The following ADGRE1 variants were observed in gnomAD, a reference collection of about 807,000 sequenced individuals.
ADGRE1 encodes the protein EGF-like module receptor 1.
In ADGRE1, 82 loss-of-function variants were observed where a neutral mutation model predicts 102.7. That is an observed-to-expected ratio of 0.80 (90% CI 0.67 to 0.96). The LOEUF (loss-of-function observed/expected upper bound fraction) is 0.96. Ranked by LOEUF, ADGRE1 falls within the 40% of genes least tolerant of loss-of-function variation. The pLI, the probability that ADGRE1 is intolerant of heterozygous loss-of-function variation, is 0.00. For missense variants in ADGRE1, 1,032 were observed against 1,085.3 expected (o/e 0.95, Z 0.69); for synonymous variants, 398 against 399.6 (o/e 1.00, Z 0.05).
Position 6,906,298 on chromosome 19 carries a change from T to C in ADGRE1, c.950-135T>C, listed in dbSNP as rs1362188568. On this transcript the variant is annotated intron_variant, in intron 8 of 20. Coordinates refer to ENST00000312053, the MANE Select transcript of ADGRE1 (RefSeq NM_001974.5). ...GTTGTAGTGTGTAGTTGTGGTTTGTTCATTTTCCCCCTTGTGTATTAGGGT... is the reference window on the plus strand; with the variant it reads ...GTTGTAGTGTGTAGTTGTGGTTTGTCCATTTTCCCCCTTGTGTATTAGGGT... 1.2e-4 allele frequency: 84 copies of C among 688,772 alleles called. 2 individuals carry two copies. In the South Asian group the frequency reaches 1.6e-3, roughly 13 times the overall value. The allele number at this position is 688,772 out of a possible 1,614,324, so 42.7% of individuals were successfully genotyped here.
chr19:6,915,113 C>T (rs192972270), intron 11 of ADGRE1, among the ~76,000 whole-genome samples: 95 of 152,226 alleles, frequency 6.2e-4, no homozygotes, highest in African/African-American at 2.1e-3. Context: ...TCAAGTGATC[C>T]TCCTGCCTCA....
At chr19:6,926,259 T>G (rs2144999631) in intron 15 of ADGRE1, 107 bp from the exon 16 acceptor site, 168 of 1,166,016 alleles carry the variant, frequency 1.4e-4, no homozygotes, top group Non-Finnish European at 1.8e-4. Context: ...GATGAATGAG[T>G]GAGCTAGGTT....
intron 17 of ADGRE1, among the ~76,000 whole-genome samples, chr19:6,930,222 A>G (rs929587897): frequency 6.6e-6 from 1 of 152,182 alleles, no homozygotes; most frequent in Non-Finnish European, 1.5e-5. Context: ...AAGAAAAAGT[A>G]AAAAGAAATT....
chr19:6,891,542 C>T (rs1254176724), intron 2 of ADGRE1, among the ~76,000 whole-genome samples: 1 of 151,842 alleles, frequency 6.6e-6, no homozygotes, highest in Non-Finnish European at 1.5e-5. Flanking sequence ...CAAGCTCCGC[C>T]TTCCAGGTTC....
In ADGRE1 at chr19:6,896,270, T is replaced by C. The variant is rs138160676; in HGVS notation, c.95-128T>C. The C allele has an allele frequency of 3.5e-5, 31 of 880,632 alleles. No homozygotes were observed. In the East Asian group the frequency reaches 7.5e-4, roughly 21 times the overall value. 54.6% of individuals were successfully genotyped at this position (880,632 alleles called of 1,614,324 possible). On this transcript the variant is annotated intron_variant, in intron 2 of 20. Transcript: ENST00000312053. ...TCACAGGTACCAGGGTTTAGGACTG[T>C]AACGTATCTTTTGGGAGGAACACAA...
chr19:6,924,316 T>C (rs561872454), intron 14 of ADGRE1, among the ~76,000 whole-genome samples: 22 of 152,276 alleles, frequency 1.4e-4, no homozygotes, highest in Non-Finnish European at 1.5e-4. Flanking sequence ...CACTCCTGTC[T>C]GCCGAAAGCT....
At chr19:6,932,068 G>A (rs1400955673) in intron 17 of ADGRE1, among the ~76,000 whole-genome samples, 1 of 152,210 alleles carries the variant, frequency 6.6e-6, no homozygotes, top group Non-Finnish European at 1.5e-5. Flanking sequence ...CTTGGAGATT[G>A]AATGGTCATT....
chr19:6,906,739 T>G (rs1411474628), intron 9 of ADGRE1, among the ~76,000 whole-genome samples: 1 of 152,222 alleles, frequency 6.6e-6, no homozygotes, highest in Non-Finnish European at 1.5e-5. Flanking sequence ...TCCCACTTTG[T>G]GGCCCAAGGT....
intron 17 of ADGRE1, among the ~76,000 whole-genome samples, chr19:6,930,741 G>A (rs910511352): frequency 5.3e-5 from 8 of 152,056 alleles, no homozygotes; most frequent in Non-Finnish European, 1.5e-5. Context: ...GGGTTCAAGC[G>A]ATTCTCCTGC....
chr19:6,940,289 C>T lies in ADGRE1; in HGVS notation c.*260C>T. The stretch of plus-strand genomic sequence containing the variant: ...CAATTCCAGAGTTTCTGAGAACAGA[C>T]CCAAATTCAATGGCATGACCAAGAA... On this transcript the variant is annotated 3_prime_UTR_variant, in exon 21 of 21. Coordinates refer to ENST00000312053, the MANE Select transcript of ADGRE1 (RefSeq NM_001974.5). 1.8e-6 allele frequency: 1 copy of T among 567,472 alleles called. No individual in the cohort carries two copies. Among genetic ancestry groups the T allele is most frequent in the South Asian group, 2.1e-5 (1 of 46,672 alleles). 35.2% of individuals were successfully genotyped at this position (567,472 alleles called of 1,614,324 possible).
rs1975607257 is a variant in ADGRE1 at position 6,940,025 on chromosome 19, G to A, written c.2657G>A (p.Gly886Asp). Residue 886 changes from glycine (G) to aspartate (D), a missense_variant and splice_region_variant, in exon 21 of 21, where the codon GGT becomes GAT. Transcript: ENST00000312053. ...AGGAAATTCTTTTCTCTCTCACAGG[G>A]TTAAAGTCCTTTCTTGCTTTCAAAT... ...LSSMPSASKT[G>D] The A allele has an allele frequency of 1.2e-6, 2 of 1,613,882 alleles. No homozygotes were observed. The highest frequency in any genetic ancestry group is 1.7e-6 in the Non-Finnish European group (2 of 1,179,958).
chr19:6,898,164 G>A (rs1239295545), intron 5 of ADGRE1: 1 of 677,566 alleles, frequency 1.5e-6, no homozygotes, highest in African/African-American at 1.8e-5. Flanking sequence ...TTCAAGATGG[G>A]GACGTACCTT....
Position 6,935,197 on chromosome 19 carries a change from GT to G in ADGRE1, c.2381+122del. ...GCCTGAGACAGAGGTGATGAGGTCT[GT>G]TTAGCATATCACACCATCTAGATCT... On this transcript the variant is annotated intron_variant, in intron 18 of 20. Transcript: ENST00000312053. 6.8e-6 allele frequency: 4 copies of G among 584,648 alleles called. No individual in the cohort carries two copies. In the South Asian group the frequency reaches 1.2e-4, roughly 18 times the overall value. 36.2% of individuals were successfully genotyped at this position (584,648 alleles called of 1,614,324 possible). A position where few individuals can be genotyped will look rare whatever the true frequency, so the allele number is the denominator to read the frequency against.
chr19:6,890,651 G>C, intron 2 of ADGRE1, 108 bp downstream of exon 2: 2 of 1,172,644 alleles, frequency 1.7e-6, no homozygotes, highest in Non-Finnish European at 2.4e-6. Flanking sequence ...CTGGGAGCTA[G>C]TTAGCGGCAG....
chr19:6,908,541 T>G, intron 9 of ADGRE1, 148 bp from the exon 10 acceptor site: 1 of 603,132 alleles, frequency 1.7e-6, no homozygotes. Flanking sequence ...AAGTAATGAG[T>G]TTTAGTTTCC....
intron 2 of ADGRE1, 139 bp downstream of exon 2, chr19:6,890,682 T>G (rs1329937936): frequency 7.6e-6 from 6 of 789,030 alleles, no homozygotes; most frequent in South Asian, 1.8e-5. Context: ...AACATGCAAG[T>G]CTCCTGATTC....
intron 5 of ADGRE1, among the ~76,000 whole-genome samples, chr19:6,899,314 T>A (rs953040855): frequency 2.0e-5 from 3 of 152,142 alleles, no homozygotes; most frequent in African/African-American, 7.2e-5. Context: ...CTAAACATCC[T>A]ATAATGCACC....
rs373593715 is a variant in ADGRE1 at position 6,905,963 on chromosome 19, C to T, written c.950-470C>T. ...TTCCCTACTTAAAAAAATATTTTCC[C>T]ATGGTATGTACCCCTAAACAATATC... On this transcript the variant is annotated intron_variant, in intron 8 of 20. Transcript: ENST00000312053. Among the ~76,000 whole-genome samples the T allele has an allele frequency of 2.0e-3, 301 of 152,208 alleles. 2 individuals carry two copies. The highest frequency in any genetic ancestry group is 0.011 in the South Asian group (54 of 4,822).
In ADGRE1 at chr19:6,913,757, G is replaced by A. The variant is rs1387803635; in HGVS notation, c.1227G>A (p.Val409=). ...TGGCCACAGTCTTCCTGGAGAGTGT[G>A]GAAAGCATGACACTGGCATCTTTTT... is the stretch of plus-strand genomic sequence containing the variant. ...SSLATVFLES[V]ESMTLASFWK... The change falls in exon 11 of 21, where the codon GTG becomes GTA. Residue 409 remains valine (V), a synonymous_variant. Transcript: ENST00000312053. 6.2e-7 allele frequency: 1 copy of A among 1,612,910 alleles called. No homozygotes were observed. Among genetic ancestry groups the A allele is most frequent in the East Asian group, 2.2e-5 (1 of 44,806 alleles).
Sources: gnomAD v4.1 joint callset for allele counts (sites outside exome capture counted in the v4.1 genomes callset) on GRCh38, gnomAD v4.1.1 for gene constraint, MANE v1.5 for transcripts, NCBI Gene and HGNC (gene_info 2026-07-23, HGNC 2026-07-21) for gene names.